Variants in NCOA3 observed in about 807,000 individuals in gnomAD.
NCOA3 encodes CBP-interacting protein.
Under a neutral mutation model 158.8 loss-of-function variants are expected in NCOA3, and 51 were observed. The ratio of observed to expected loss-of-function variants is 0.32; its 90% CI spans 0.26 to 0.41. The LOEUF (loss-of-function observed/expected upper bound fraction) is 0.41, where lower values mean the gene tolerates loss of function less well. Ranked by LOEUF, NCOA3 falls within the 10% of genes least tolerant of loss-of-function variation. The pLI is 1.00. For missense variants in NCOA3, 1,510 were observed against 1,746.6 expected (o/e 0.86, Z 2.41); for synonymous variants, 537 against 592.4 (o/e 0.91, Z 1.36).
At chr20:47,605,264 G>A (rs1441293036) in intron 2 of NCOA3, among the ~76,000 whole-genome samples, 1 of 152,018 alleles carries the variant, frequency 6.6e-6, no homozygotes, top group Non-Finnish European at 1.5e-5. Context: ...GTTCTTTTCT[G>A]TATGTCTCCC....
chr20:47,594,966 A>C (rs1047493414), intron 2 of NCOA3, among the ~76,000 whole-genome samples: 3 of 145,652 alleles, frequency 2.1e-5, no homozygotes, highest in Non-Finnish European at 4.5e-5. Flanking sequence ...TAATTTTTGT[A>C]TTTTTAGTAG....
chr20:47,569,583 T>G (rs908686052), intron 1 of NCOA3, among the ~76,000 whole-genome samples: 3 of 151,966 alleles, frequency 2.0e-5, no homozygotes, highest in Non-Finnish European at 4.4e-5. Flanking sequence ...CTTGGGAGGC[T>G]GAGGCACAAG....
At chr20:47,561,194 C>T (rs530676162) in intron 1 of NCOA3, among the ~76,000 whole-genome samples, 2 of 150,804 alleles carry the variant, frequency 1.3e-5, no homozygotes, top group South Asian at 2.1e-4. Flanking sequence ...AAGCTGGTCT[C>T]GAACTCCTGA....
At chr20:47,535,331 G>A (rs985124827) in intron 1 of NCOA3, among the ~76,000 whole-genome samples, 1 of 152,166 alleles carries the variant, frequency 6.6e-6, no homozygotes, top group African/African-American at 2.4e-5. Context: ...AAGCCCCAGT[G>A]GCCGTGTGTT....
At chr20:47,620,291 T>C (rs527462960) in intron 2 of NCOA3, among the ~76,000 whole-genome samples, 68 of 152,256 alleles carry the variant, frequency 4.5e-4, no homozygotes, top group African/African-American at 1.4e-3. Flanking sequence ...TAAAAAAATT[T>C]TGTAGAGACA....
rs2085825625 is a variant in NCOA3, at chr20:47,599,692, A to G, written c.-20+16431A>G. ...CTATCTCAAACATTGTTAGATTTCA[A>G]AAATAAGATGTTAATTGCACTCACT... On this transcript the variant is annotated intron_variant, in intron 2 of 22. Transcript: ENST00000371998. Among the ~76,000 whole-genome samples, 2 of 152,222 alleles carry G rather than the reference A, an allele frequency of 1.3e-5. 1 individual carries two copies. Among genetic ancestry groups the G allele is most frequent in the Admixed American group, 1.3e-4 (2 of 15,286 alleles).
intron 1 of NCOA3, among the ~76,000 whole-genome samples, chr20:47,522,074 G>GT (rs2084344719): frequency 8.2e-6 from 1 of 122,628 alleles, no homozygotes; most frequent in Admixed American, 8.1e-5. Context: ...CGTTAGCAGT[G>GT]TTTTGTAGTT....
At chr20:47,647,733 C>A (rs959300035) in intron 18 of NCOA3, among the ~76,000 whole-genome samples, 1 of 151,924 alleles carries the variant, frequency 6.6e-6, no homozygotes, top group Non-Finnish European at 1.5e-5. Context: ...ACTCTTCTTT[C>A]TAGATGTTTT....
At chr20:47,628,081 G>C in intron 8 of NCOA3, 58 bp downstream of exon 8, 1 of 1,287,214 alleles carries the variant, frequency 7.8e-7, no homozygotes, top group Non-Finnish European at 1.1e-6. Context: ...TTTTATTTTG[G>C]AAATTTTTGT....
chr20:47,656,863 C>G lies in NCOA3; in HGVS notation c.*3446C>G, dbSNP rs1217271034. Reference sequence around the variant, plus strand: ...TGGATGTCATTGTAAATAAAGGTTTCTATTTAAAATTGGAGCCTAAAGAGT... The same window carrying G: ...TGGATGTCATTGTAAATAAAGGTTTGTATTTAAAATTGGAGCCTAAAGAGT... On this transcript the variant is annotated 3_prime_UTR_variant, in exon 23 of 23. Transcript: ENST00000371998. The G allele has an allele frequency of 8.0e-6, 1 of 124,334 alleles. No individual in the cohort carries two copies. The highest frequency in any genetic ancestry group is 3.2e-5 in the African/African-American group (1 of 31,310). 7.7% of individuals were successfully genotyped at this position (124,334 alleles called of 1,614,324 possible).
chr20:47,531,019 C>T (rs548859198), intron 1 of NCOA3, among the ~76,000 whole-genome samples: 22 of 152,154 alleles, frequency 1.4e-4, no homozygotes, highest in African/African-American at 4.8e-4. Flanking sequence ...ATGGCTAATG[C>T]CTAACATTGG....
chr20:47,505,800 C>CTTTTTT (rs11434305), intron 1 of NCOA3, among the ~76,000 whole-genome samples: 3 of 119,160 alleles, frequency 2.5e-5, no homozygotes, highest in African/African-American at 3.2e-5. Flanking sequence ...GCATTTTCTC[C>CTTTTTT]TTTTTTTTTT....
chr20:47,609,274 A>G (rs1259243711), intron 2 of NCOA3, among the ~76,000 whole-genome samples: 4 of 152,096 alleles, frequency 2.6e-5, no homozygotes, highest in Non-Finnish European at 5.9e-5. Context: ...TCCTTTTTCT[A>G]TGTGGATGAC....
At chr20:47,633,369 G>A in intron 8 of NCOA3, 127 bp from the exon 9 acceptor site, 1 of 871,964 alleles carries the variant, frequency 1.1e-6, no homozygotes. Flanking sequence ...TAGAAATTTG[G>A]ATCAGAGAAG....
chr20:47,634,863 A>AT (rs974855244), intron 10 of NCOA3, among the ~76,000 whole-genome samples: 2 of 148,726 alleles, frequency 1.3e-5, no homozygotes, highest in African/African-American at 2.5e-5. Flanking sequence ...AATTCATCCC[A>AT]TTTTTTTATT....
At chr20:47,608,054 G>A (rs1020636879) in intron 2 of NCOA3, among the ~76,000 whole-genome samples, 1 of 152,170 alleles carries the variant, frequency 6.6e-6, no homozygotes, top group African/African-American at 2.4e-5. Flanking sequence ...GCTCATGCCT[G>A]TAATCCCAGC....
chr20:47,548,966 T>C (rs2084883658), intron 1 of NCOA3, among the ~76,000 whole-genome samples: 1 of 152,224 alleles, frequency 6.6e-6, no homozygotes, highest in African/African-American at 2.4e-5. Flanking sequence ...TGAGAACATT[T>C]GTTAAATTAG....
chr20:47,584,963 C>G (rs1220076338), intron 2 of NCOA3, among the ~76,000 whole-genome samples: 1 of 151,256 alleles, frequency 6.6e-6, no homozygotes, highest in Non-Finnish European at 1.5e-5. Context: ...GCCTAACTTA[C>G]ATTTGCTGTT....
chr20:47,638,089 T>G (rs189882997), intron 13 of NCOA3, among the ~76,000 whole-genome samples: 75 of 152,334 alleles, frequency 4.9e-4, no homozygotes, highest in Admixed American at 4.7e-3. Flanking sequence ...TATATTTTTC[T>G]TAGCCACAGA....
Sources: allele counts gnomAD v4.1 joint callset (sites outside exome capture counted in the v4.1 genomes callset), GRCh38; gene constraint gnomAD v4.1.1; transcripts MANE v1.5; gene names NCBI Gene and HGNC (gene_info 2026-07-23, HGNC 2026-07-21).